DTNA: variants seen among roughly 807,000 people sequenced by gnomAD.
DTNA encodes dystrobrevin alpha, also known as dystrophin-related protein 3.
DTNA carries 43 observed loss-of-function variants against 100.7 expected under a neutral mutation model. The ratio of observed to expected loss-of-function variants is 0.43; its 90% CI spans 0.33 to 0.55. The LOEUF (loss-of-function observed/expected upper bound fraction) is 0.55, where lower values mean the gene tolerates loss of function less well. Among genes scored for constraint, DTNA ranks in the 20% least tolerant of loss-of-function variants. The pLI is 0.04. For synonymous variants in DTNA, 349 were observed against 347.9 expected, an observed-to-expected ratio of 1.00 and a Z score of -0.04; for missense variants, 798 against 953.9, an observed-to-expected ratio of 0.84 and a Z score of 2.15.
At chr18:34,779,024 A>G (rs1474306614) in intron 3 of DTNA, among the ~76,000 whole-genome samples, 1 of 151,706 alleles carries the variant, frequency 6.6e-6, no homozygotes, top group East Asian at 1.9e-4. Flanking sequence ...GGATTTCACC[A>G]TGTTAGCGGG....
chr18:34,645,962 A>G (rs2059787441), intron 1 of DTNA, among the ~76,000 whole-genome samples: 1 of 152,142 alleles, frequency 6.6e-6, no homozygotes, highest in African/African-American at 2.4e-5. Context: ...AAAGACATAC[A>G]TCCTGGTCCC....
chr18:34,784,618 G>A (rs766650567), intron 3 of DTNA, among the ~76,000 whole-genome samples: 3 of 152,152 alleles, frequency 2.0e-5, no homozygotes, highest in Non-Finnish European at 4.4e-5. Context: ...CTGCACTGTG[G>A]ATGTGGGCTT....
intron 1 of DTNA, among the ~76,000 whole-genome samples, chr18:34,545,393 C>T (rs1169047179): frequency 6.6e-6 from 1 of 152,010 alleles, no homozygotes; most frequent in Non-Finnish European, 1.5e-5. Flanking sequence ...ATATGTACTC[C>T]ATGGAAAATT....
intron 3 of DTNA, among the ~76,000 whole-genome samples, chr18:34,776,103 A>G (rs1010372120): frequency 3.3e-5 from 5 of 152,214 alleles, no homozygotes; most frequent in South Asian, 4.1e-4. Flanking sequence ...AGGGGAGTGG[A>G]CACTTTGTTT....
intron 2 of DTNA, among the ~76,000 whole-genome samples, chr18:34,764,665 C>G (rs1432744297): frequency 1.3e-5 from 2 of 152,150 alleles, no homozygotes; most frequent in African/African-American, 2.4e-5. Context: ...ATGCTAAATC[C>G]CCTAGTGGGG....
intron 8 of DTNA, chr18:34,818,704 T>C (rs941951618): frequency 4.0e-5 from 41 of 1,032,688 alleles, no homozygotes; most frequent in Admixed American, 4.5e-5. Context: ...AAATTATTGT[T>C]AGTTTTATTT....
At chr18:34,877,390 G>A (rs1008538490) in intron 18 of DTNA, among the ~76,000 whole-genome samples, 1 of 152,136 alleles carries the variant, frequency 6.6e-6, no homozygotes, top group Non-Finnish European at 1.5e-5. Flanking sequence ...CACACGCACT[G>A]GTTTACCTGG....
At chr18:34,697,458 G>C (rs1568246251) in intron 1 of DTNA, among the ~76,000 whole-genome samples, 1 of 152,174 alleles carries the variant, frequency 6.6e-6, no homozygotes, top group African/African-American at 2.4e-5. Context: ...TGGCTGACAG[G>C]ATAGTTAATC....
chr18:34,879,836 G>C, intron 20 of DTNA, 117 bp downstream of exon 20: 1 of 1,319,742 alleles, frequency 7.6e-7, no homozygotes, highest in Non-Finnish European at 1.1e-6. Flanking sequence ...GGGTGACATA[G>C]TTTTCTGTTC....
At chr18:34,517,460 C>CATGTGTGTGT (rs57616989) in intron 1 of DTNA, among the ~76,000 whole-genome samples, 3,810 of 148,816 alleles carry the variant, frequency 0.026, 79 homozygotes, top group East Asian at 0.058. Flanking sequence ...TTTATATACA[C>CATGTGTGTGT]GTGTGTGTGT....
At position 34,891,333 on chromosome 18, in the gene DTNA, CTATT is replaced by C. The variant is rs1337553726; in HGVS notation, c.*3602_*3605del. On this transcript the variant is annotated 3_prime_UTR_variant, in exon 23 of 23. Transcript: ENST00000444659. ...CATGTTATATTTTGAAGTGATTAAA[CTATT>C]TAATTGTGTGTCTATATTTTGGAGT... 3 of 152,170 alleles carry C rather than the reference CTATT, an allele frequency of 2.0e-5. No individual in the cohort carries two copies. Among genetic ancestry groups the C allele is most frequent in the Non-Finnish European group, 4.4e-5 (3 of 67,956 alleles). The allele number at this position is 152,170 out of a possible 1,614,324, so 9.4% of individuals were successfully genotyped here. A position where few individuals can be genotyped will look rare whatever the true frequency, so the allele number is the denominator to read the frequency against.
At chr18:34,705,639 A>G (rs1001493411), upstream of DTNA, among the ~76,000 whole-genome samples, 7 of 152,196 alleles carry the variant, frequency 4.6e-5, no homozygotes, top group African/African-American at 1.7e-4. Flanking sequence ...GATTCTGCCA[A>G]TTCTTAAATT....
chr18:34,771,050 C>A (rs563684606), intron 3 of DTNA, among the ~76,000 whole-genome samples: 1 of 152,102 alleles, frequency 6.6e-6, no homozygotes, highest in Non-Finnish European at 1.5e-5. Flanking sequence ...CATTGGTAGA[C>A]CAGCATTTTC....
At chr18:34,623,791 A>G (rs2056907266) in intron 1 of DTNA, among the ~76,000 whole-genome samples, 1 of 152,262 alleles carries the variant, frequency 6.6e-6, no homozygotes, top group South Asian at 2.1e-4. Flanking sequence ...ATGTATAGCA[A>G]GAAATGCAGT....
chr18:34,598,546 G>A (rs1425071993), intron 1 of DTNA, among the ~76,000 whole-genome samples: 1 of 152,152 alleles, frequency 6.6e-6, no homozygotes, highest in Middle Eastern at 3.2e-3. Context: ...TATTGTGAAA[G>A]CTTGTGGAAA....
intron 1 of DTNA, among the ~76,000 whole-genome samples, chr18:34,494,580 G>A (rs917968226): frequency 7.9e-5 from 12 of 152,038 alleles, no homozygotes; most frequent in African/African-American, 2.9e-4. Flanking sequence ...ACCACTCCTG[G>A]GACTTGAAGG....
chr18:34,756,188 T>A, intron 2 of DTNA, 145 bp downstream of exon 2: 2 of 857,310 alleles, frequency 2.3e-6, no homozygotes, highest in Middle Eastern at 3.3e-4. Flanking sequence ...TTGGCCTTTT[T>A]TACTTCTTAC....
intron 1 of DTNA, among the ~76,000 whole-genome samples, chr18:34,721,764 G>A (rs986507805): frequency 5.3e-5 from 8 of 152,044 alleles, no homozygotes; most frequent in African/African-American, 1.7e-4. Flanking sequence ...ATATTCCTAC[G>A]TATGTGTTTG....
intron 1 of DTNA, among the ~76,000 whole-genome samples, chr18:34,503,725 A>T: frequency 1.4e-5 from 2 of 142,744 alleles, no homozygotes; most frequent in Non-Finnish European, 1.6e-5. Context: ...TCTATTTTGG[A>T]TTTCACTGTT....
Sources: allele counts gnomAD v4.1 joint callset (sites outside exome capture counted in the v4.1 genomes callset), GRCh38; gene constraint gnomAD v4.1.1; transcripts MANE v1.5; gene names NCBI Gene and HGNC (gene_info 2026-07-23, HGNC 2026-07-21).